Variants in FBLN1 observed in about 807,000 individuals in gnomAD.
The protein encoded by FBLN1 is fibulin-1.
In FBLN1, 34 loss-of-function variants were observed where a neutral mutation model predicts 89.7. The ratio of observed to expected loss-of-function variants is 0.38; its 90% CI spans 0.29 to 0.50. FBLN1 has a LOEUF of 0.50. Ranked by LOEUF, FBLN1 falls within the 20% of genes least tolerant of loss-of-function variation. The probability of loss-of-function intolerance (pLI) is 0.92; values close to 1 mark genes in which losing one functional copy is unlikely to be tolerated. For missense variants in FBLN1, 777 were observed against 988.1 expected (o/e 0.79, Z 2.86); for synonymous variants, 393 against 391.3 (o/e 1.00, Z -0.05).
intron 14 of FBLN1, among the ~76,000 whole-genome samples, chr22:45,555,062 CG>C: frequency 6.7e-6 from 1 of 150,322 alleles, no homozygotes; most frequent in Non-Finnish European, 1.5e-5. Context: ...CCGTCTCCAC[CG>C]CAGGAGGTTA....
At chr22:45,570,355 G>A (rs370616314) in intron 14 of FBLN1, among the ~76,000 whole-genome samples, 765 of 107,496 alleles carry the variant, frequency 7.1e-3, no homozygotes, top group Middle Eastern at 0.016. Context: ...GAAAAGAAAA[G>A]AAAAAAAAAA....
chr22:45,514,840 A>T (rs1042981279), intron 1 of FBLN1, among the ~76,000 whole-genome samples: 1 of 152,150 alleles, frequency 6.6e-6, no homozygotes, highest in South Asian at 2.1e-4. Flanking sequence ...ACAGTGTTGG[A>T]GGCTGCCAGG....
intron 16 of FBLN1, among the ~76,000 whole-genome samples, chr22:45,592,784 G>A (rs1335790233): frequency 6.6e-6 from 1 of 152,018 alleles, no homozygotes; most frequent in African/African-American, 2.4e-5. Context: ...AGCCTGTTTG[G>A]GTCTCCTCTG....
chr22:45,596,314 G>T (rs2146670111), intron 16 of FBLN1, among the ~76,000 whole-genome samples: 1 of 152,320 alleles, frequency 6.6e-6, no homozygotes, highest in East Asian at 1.9e-4. Flanking sequence ...GTCTGTGGCA[G>T]GTCCCTGTCC....
Position 45,502,899 on chromosome 22 carries a change from C to G in FBLN1, c.-87C>G, listed in dbSNP as rs577845238. The G allele has an allele frequency of 2.5e-5, 12 of 472,636 alleles. No individual in the cohort carries two copies. The highest frequency in any genetic ancestry group is 3.4e-5 in the Non-Finnish European group (12 of 355,226). 29.3% of individuals were successfully genotyped at this position (472,636 alleles called of 1,614,324 possible). A position where few individuals can be genotyped will look rare whatever the true frequency, so the allele number is the denominator to read the frequency against. On this transcript the variant is annotated 5_prime_UTR_variant, in exon 1 of 17. Transcript: ENST00000327858. ...TGGCCCAGCGTTGGCTGCCGAGGCT[C>G]GGCCGGAGCGTGGAGCCCGCGCCGC...
chr22:45,596,862 CACTTTAA>C (rs2089191801), intron 16 of FBLN1, among the ~76,000 whole-genome samples: 10 of 126,162 alleles, frequency 7.9e-5, no homozygotes, highest in Middle Eastern at 4.2e-3. Context: ...TTATAAAATA[CACTTTAA>C]ACTATTTAAA....
At chr22:45,520,350 G>T (rs1011486809) in intron 2 of FBLN1, among the ~76,000 whole-genome samples, 2 of 152,162 alleles carry the variant, frequency 1.3e-5, no homozygotes, top group Admixed American at 6.5e-5. Context: ...CAGCAGGGTG[G>T]GCTCCTTCTG....
chr22:45,541,404 C>G, intron 9 of FBLN1, 32 bp downstream of exon 9: 1 of 1,613,854 alleles, frequency 6.2e-7, no homozygotes, highest in Non-Finnish European at 8.5e-7. Flanking sequence ...CTGAAATCCA[C>G]TTTCCTGTCT....
intron 16 of FBLN1, among the ~76,000 whole-genome samples, chr22:45,584,250 T>C (rs944016053): frequency 1.3e-5 from 2 of 152,168 alleles, no homozygotes; most frequent in Non-Finnish European, 2.9e-5. Context: ...CTTTCCCACA[T>C]TGTCTGTGCT....
At chr22:45,518,133 A>AC (rs1429741940) in intron 1 of FBLN1, among the ~76,000 whole-genome samples, 1 of 142,766 alleles carries the variant, frequency 7.0e-6, no homozygotes, top group African/African-American at 3.0e-5. Flanking sequence ...GTCTCAAAAA[A>AC]AAAAAAAAAG....
rs573922296 is a variant in FBLN1, at chr22:45,561,230, T to C, written c.1697+10615T>C. Reference sequence around the variant, plus strand: ...TCGCATGATAAGAGCTTGTGTCTGTTTTTCCACAATTTCAGCTCTTCCTCT... The same window carrying C: ...TCGCATGATAAGAGCTTGTGTCTGTCTTTCCACAATTTCAGCTCTTCCTCT... On this transcript the variant is annotated intron_variant, in intron 14 of 16. Transcript: ENST00000327858. This position sits in a 1 kb window ranked among gnomAD's most constrained non-coding sequence, Gnocchi z 4.7. 1.3e-5 allele frequency among the ~76,000 whole-genome samples: 2 copies of C among 152,302 alleles called. No homozygotes were observed. The highest frequency in any genetic ancestry group is 6.5e-5 in the Admixed American group (1 of 15,298).
intron 14 of FBLN1, among the ~76,000 whole-genome samples, chr22:45,571,111 C>CAAAAAAAAAAAAAAAAAAAAA (rs542647353): frequency 1.4e-5 from 1 of 70,860 alleles, no homozygotes; most frequent in Admixed American, 1.8e-4. Flanking sequence ...ACAAGAGTCT[C>CAAAAAAAAAAAAAAAAAAAAA]AAAAAAAAAA....
chr22:45,541,084 G>A (rs2088549413), intron 8 of FBLN1, 145 bp from the exon 9 acceptor site: 4 of 1,020,096 alleles, frequency 3.9e-6, no homozygotes, highest in East Asian at 2.4e-5. Context: ...GGAGGCGGCT[G>A]TGTGGTCCAG....
Position 45,507,551 on chromosome 22 carries a change from G to A in FBLN1, c.79+4487G>A, listed in dbSNP as rs148129397. On this transcript the variant is annotated intron_variant, in intron 1 of 16. Coordinates refer to ENST00000327858, the MANE Select transcript of FBLN1 (RefSeq NM_006486.3). ...TATTTTTTATTATTATTTTTGAGAC[G>A]GGGTCTCACTCTGCCGGCCAGGCTG... Among the ~76,000 whole-genome samples the A allele has an allele frequency of 2.7e-3, 418 of 152,024 alleles. 3 individuals are homozygous for A. Among genetic ancestry groups the A allele is most frequent in the African/African-American group, 9.2e-3 (382 of 41,472 alleles).
At position 45,561,140 on chromosome 22, in the gene FBLN1, G is replaced by A. The variant is rs2088846487; in HGVS notation, c.1697+10525G>A. On this transcript the variant is annotated intron_variant, in intron 14 of 16. Coordinates refer to ENST00000327858, the MANE Select transcript of FBLN1 (RefSeq NM_006486.3). The surrounding 1 kb of genome is among the most constrained non-coding windows in gnomAD (Gnocchi z 4.7). ...AGGGTCCCATTCTTTTTCAATCAATGCCCTCACTTTAACAGCAGACACCTG... is the reference window on the plus strand; with the variant it reads ...AGGGTCCCATTCTTTTTCAATCAATACCCTCACTTTAACAGCAGACACCTG... Among the ~76,000 whole-genome samples the A allele has an allele frequency of 6.6e-6, 1 of 152,150 alleles. No homozygotes were observed. Among genetic ancestry groups the A allele is most frequent in the East Asian group, 1.9e-4 (1 of 5,200 alleles).
At chr22:45,595,905 T>C (rs2089180683) in intron 16 of FBLN1, among the ~76,000 whole-genome samples, 1 of 152,296 alleles carries the variant, frequency 6.6e-6, no homozygotes, top group African/African-American at 2.4e-5. Context: ...AGTCTTGCTC[T>C]GTCGCCCAGG....
rs201703818 is a variant in FBLN1 at position 45,523,169 on chromosome 22, C to T, written c.186-2374C>T. The T allele has an allele frequency of 5.2e-4, 408 of 778,378 alleles. 1 individual carries two copies. In the Middle Eastern group the frequency reaches 6.0e-3, roughly 12 times the overall value. 48.2% of individuals were successfully genotyped at this position (778,378 alleles called of 1,614,324 possible). On this transcript the variant is annotated intron_variant, in intron 2 of 16. Coordinates refer to ENST00000327858, the MANE Select transcript of FBLN1 (RefSeq NM_006486.3). ...GGAAAGTGGGAAGAGCATCCCAGGC[C>T]GAGGGAACAGCCAGCGCAAGAGCCC...
intron 14 of FBLN1, among the ~76,000 whole-genome samples, chr22:45,568,367 C>T (rs1294136729): frequency 1.3e-5 from 2 of 149,996 alleles, no homozygotes; most frequent in Non-Finnish European, 2.9e-5. Flanking sequence ...CAGGGCTGCA[C>T]TTCCTCTGAA....
chr22:45,565,108 C>T, intron 14 of FBLN1: 1 of 1,591,018 alleles, frequency 6.3e-7, no homozygotes, highest in Non-Finnish European at 8.5e-7. Context: ...TCTCCTGGCC[C>T]TCTCTCTGAT....
Sources: allele counts gnomAD v4.1 joint callset (sites outside exome capture counted in the v4.1 genomes callset), GRCh38; gene constraint gnomAD v4.1.1; non-coding constraint Gnocchi (gnomAD v3.1); transcripts MANE v1.5; gene names NCBI Gene and HGNC (gene_info 2026-07-23, HGNC 2026-07-21).